Variants in TTC23 observed in about 807,000 individuals in gnomAD.
TTC23 encodes the protein tetratricopeptide repeat protein 23.
TTC23 carries 58 observed loss-of-function variants against 55.1 expected under a neutral mutation model. That is an observed-to-expected ratio of 1.05 (90% CI 0.85 to 1.31). The LOEUF (loss-of-function observed/expected upper bound fraction) is 1.31. Ranked by LOEUF, TTC23 falls within the 50% of genes most tolerant of loss-of-function variation. The probability of loss-of-function intolerance (pLI) is 0.00; values close to 1 mark genes in which losing one functional copy is unlikely to be tolerated. For missense variants in TTC23, 516 were observed against 534.4 expected (o/e 0.97, Z 0.34); for synonymous variants, 203 against 199.9 (o/e 1.02, Z -0.13).
At chr15:99,246,031 A>G (rs2080214482) in intron 1 of TTC23, among the ~76,000 whole-genome samples, 1 of 152,022 alleles carries the variant, frequency 6.6e-6, no homozygotes, top group African/African-American at 2.4e-5. Flanking sequence ...GCTGTTCTCG[A>G]GCTCCTGACC....
At chr15:99,243,814 AGAAGCTGG>A (rs1354327099) in intron 2 of TTC23, among the ~76,000 whole-genome samples, 1 of 152,196 alleles carries the variant, frequency 6.6e-6, no homozygotes, top group Non-Finnish European at 1.5e-5. Flanking sequence ...GATGATTACC[AGAAGCTGG>A]GAAGGGTATT....
intron 11 of TTC23, chr15:99,160,175 T>C (rs546016033): frequency 2.7e-5 from 4 of 150,306 alleles, no homozygotes; most frequent in East Asian, 4.0e-4. Flanking sequence ...CTGAGAAACA[T>C]AGGTATATCG....
chr15:99,229,953 T>C (rs1442963401), intron 4 of TTC23, among the ~76,000 whole-genome samples: 1 of 152,128 alleles, frequency 6.6e-6, no homozygotes, highest in Admixed American at 6.5e-5. Context: ...CACTAGAGGA[T>C]AATACTCAAG....
intron 12 of TTC23, among the ~76,000 whole-genome samples, chr15:99,150,554 A>C (rs2069576423): frequency 6.6e-6 from 1 of 152,260 alleles, no homozygotes; most frequent in South Asian, 2.1e-4. Context: ...TCAAGATACA[A>C]TAATAAGCAC....
chr15:99,250,910 A>C (rs1302901730), upstream of TTC23, among the ~76,000 whole-genome samples: 1 of 152,230 alleles, frequency 6.6e-6, no homozygotes, highest in Non-Finnish European at 1.5e-5. Context: ...GCTTCGTTAC[A>C]TAAACCCACT....
rs147933563 is a variant in TTC23, at chr15:99,247,149, T to A, written c.-430-1639A>T. ...TTAAAATCCAGCTGAATGACTACAA[T>A]GAATAAGACAGATCATAAGGAGTGT... On this transcript the variant is annotated intron_variant, in intron 1 of 13. Coordinates refer to ENST00000394132, the MANE Select transcript of TTC23 (RefSeq NM_001288615.3). Among the ~76,000 whole-genome samples the A allele has an allele frequency of 1.2e-4, 18 of 152,278 alleles. No individual in the cohort carries two copies. The East Asian group carries it at 3.3e-3, about 28-fold the overall frequency.
At chr15:99,226,908 T>A (rs545444301) in intron 5 of TTC23, among the ~76,000 whole-genome samples, 1 of 152,330 alleles carries the variant, frequency 6.6e-6, no homozygotes, top group South Asian at 2.1e-4. Context: ...TCCATCAGGG[T>A]ATGCACCTTG....
Position 99,139,352 on chromosome 15 carries a change from A to G in TTC23, c.1191T>C (p.Thr397=). ...TGCCCATGGCCTGCTGGGTGGCCAG[A>G]GTCCTTTTGTCCTGCGGTCCATATA... ...TLLYGPQDKR[T]LATQQAMGML... is the part of the protein sequence containing the mutation. Residue 397 remains threonine, a synonymous_variant, in exon 13 of 14, where the codon ACT becomes ACC. Coordinates refer to ENST00000394132, the MANE Select transcript of TTC23 (RefSeq NM_001288615.3). 6.2e-7 allele frequency: 1 copy of G among 1,613,998 alleles called. No individual in the cohort carries two copies. Among genetic ancestry groups the G allele is most frequent in the South Asian group, 1.1e-5 (1 of 91,088 alleles).
intron 9 of TTC23, among the ~76,000 whole-genome samples, chr15:99,197,097 TTC>T (rs1249658312): frequency 2.6e-5 from 4 of 151,548 alleles, no homozygotes; most frequent in Non-Finnish European, 5.9e-5. Context: ...ATAATGTGGT[TTC>T]TGTTCTTTTT....
At chr15:99,248,993 T>C (rs1429508739) in intron 1 of TTC23, among the ~76,000 whole-genome samples, 178 bp downstream of exon 1, 2 of 152,174 alleles carry the variant, frequency 1.3e-5, no homozygotes, top group Non-Finnish European at 2.9e-5. Flanking sequence ...CCTATATCTT[T>C]TAATAGATAT....
intron 12 of TTC23, chr15:99,141,038 A>AG (rs750619554): frequency 6.6e-6 from 1 of 152,204 alleles, no homozygotes; most frequent in Non-Finnish European, 1.5e-5. Flanking sequence ...AACCTCAATG[A>AG]GGTAGGTACC....
At chr15:99,226,038 T>G (rs1042563122) in intron 5 of TTC23, among the ~76,000 whole-genome samples, 1 of 152,200 alleles carries the variant, frequency 6.6e-6, no homozygotes, top group Non-Finnish European at 1.5e-5. Context: ...CAGAGAGATA[T>G]TCTACAAAAC....
intron 2 of TTC23, among the ~76,000 whole-genome samples, chr15:99,242,595 A>T (rs996662083): frequency 3.9e-5 from 6 of 152,220 alleles, no homozygotes; most frequent in African/African-American, 1.4e-4. Context: ...TCAACAAAAT[A>T]TTGGCAAACC....
intron 4 of TTC23, among the ~76,000 whole-genome samples, chr15:99,229,847 C>T (rs149477843): frequency 2.3e-3 from 356 of 152,212 alleles, no homozygotes; most frequent in African/African-American, 7.8e-3. Context: ...TCAGTAGAGG[C>T]GATAATTAGC....
chr15:99,180,868 C>T (rs371001975), intron 9 of TTC23, among the ~76,000 whole-genome samples: 5 of 152,140 alleles, frequency 3.3e-5, no homozygotes, highest in African/African-American at 9.7e-5. Flanking sequence ...GAACACTCAG[C>T]GAGGAGACAA....
intron 11 of TTC23, chr15:99,158,928 C>A (rs1596315466): frequency 6.6e-6 from 1 of 152,414 alleles, no homozygotes; most frequent in South Asian, 2.1e-4. Context: ...TGGTGCCACA[C>A]ACAAGGGTGC....
intron 11 of TTC23, chr15:99,160,438 C>T (rs1254006083): frequency 1.3e-5 from 2 of 151,890 alleles, no homozygotes; most frequent in Non-Finnish European, 2.9e-5. Flanking sequence ...ATAAAAAATA[C>T]AGTGTAACAA....
chr15:99,172,727 T>C (rs986338459), intron 10 of TTC23, among the ~76,000 whole-genome samples: 2 of 152,238 alleles, frequency 1.3e-5, no homozygotes, highest in African/African-American at 2.4e-5. Flanking sequence ...GTGAGAACCA[T>C]TGCTGGTATG....
intron 8 of TTC23, among the ~76,000 whole-genome samples, chr15:99,207,063 A>G (rs1000191389): frequency 6.6e-6 from 1 of 152,110 alleles, no homozygotes; most frequent in African/African-American, 2.4e-5. Flanking sequence ...CATTGCCCCA[A>G]TGGCTGTTTA....
Sources: gnomAD v4.1 joint callset for allele counts (sites outside exome capture counted in the v4.1 genomes callset) on GRCh38, gnomAD v4.1.1 for gene constraint, MANE v1.5 for transcripts, NCBI Gene and HGNC (gene_info 2026-07-23, HGNC 2026-07-21) for gene names.